The following PHYHIPL variants were observed in gnomAD, a reference collection of about 807,000 sequenced individuals.
PHYHIPL encodes the protein phytanoyl-CoA 2-hydroxylase interacting protein like.
In PHYHIPL, 9 loss-of-function variants were observed where a neutral mutation model predicts 33.4. The observed-to-expected ratio is 0.27, with a 90% CI of 0.16 to 0.47. The LOEUF is 0.47. Among genes scored for constraint, PHYHIPL ranks in the 20% least tolerant of loss-of-function variants. The pLI, the probability that PHYHIPL is intolerant of heterozygous loss-of-function variation, is 0.99. For missense variants in PHYHIPL, 365 were observed against 460.7 expected (o/e 0.79, Z 1.90); for synonymous variants, 153 against 154.1 (o/e 0.99, Z 0.05).
At chr10:59,203,103 A>G (rs113638400) in intron 1 of PHYHIPL, among the ~76,000 whole-genome samples, 4,413 of 152,288 alleles carry the variant, frequency 0.029, 137 homozygotes, top group African/African-American at 0.079. Context: ...GAAGGTGGGC[A>G]ATGGATATGA....
At chr10:59,185,943 T>C (rs1430680605) in intron 1 of PHYHIPL, among the ~76,000 whole-genome samples, 2 of 152,226 alleles carry the variant, frequency 1.3e-5, no homozygotes, top group Non-Finnish European at 2.9e-5. Flanking sequence ...GTAGTTTCTT[T>C]TGCTGTGCAG....
At chr10:59,185,324 A>G (rs1298904231) in intron 1 of PHYHIPL, among the ~76,000 whole-genome samples, 4 of 152,100 alleles carry the variant, frequency 2.6e-5, no homozygotes, top group African/African-American at 4.8e-5. Context: ...ATAGTATTCC[A>G]TGGTGTATAT....
In PHYHIPL at chr10:59,245,366, A is replaced by G. The variant is rs755200386; in HGVS notation, c.906A>G (p.Gln302=). ...GDEFCKQRLP[Q]LNSKDNKFLT... The stretch of plus-strand genomic sequence containing the variant: ...AATTTTGTAAGCAGCGCCTTCCTCA[A>G]CTAAATTCTAAGGATAATAAATTTT... Residue 302 remains glutamine, a synonymous_variant, in exon 5 of 5, where the codon CAA becomes CAG. Coordinates refer to ENST00000373880, the MANE Select transcript of PHYHIPL (RefSeq NM_032439.4). 1.2e-5 allele frequency: 20 copies of G among 1,614,046 alleles called. No homozygotes were observed. Among genetic ancestry groups the G allele is most frequent in the South Asian group, 6.6e-5 (6 of 91,086 alleles).
At chr10:59,196,019 A>C (rs976128705) in intron 1 of PHYHIPL, among the ~76,000 whole-genome samples, 3 of 152,166 alleles carry the variant, frequency 2.0e-5, no homozygotes, top group African/African-American at 7.2e-5. Flanking sequence ...CTCTATGTGC[A>C]TGAGGTACAT....
Position 59,211,418 on chromosome 10 carries a change from C to A in PHYHIPL, c.107-22886C>A, listed in dbSNP as rs151233148. Among the ~76,000 whole-genome samples, 1,196 of 151,868 alleles carry A rather than the reference C, an allele frequency of 7.9e-3. 11 individuals carry two copies. The highest frequency in any genetic ancestry group is 0.012 in the Non-Finnish European group (801 of 67,948). Reference sequence around the variant, plus strand: ...TGAGATGGAGTTTCACTCTTGTTGCCCAGGCTGGAGTACAATGGCATGATC... The same window carrying A: ...TGAGATGGAGTTTCACTCTTGTTGCACAGGCTGGAGTACAATGGCATGATC... On this transcript the variant is annotated intron_variant, in intron 1 of 4. Transcript: ENST00000373880.
chr10:59,183,761 T>A, intron 1 of PHYHIPL: 9 of 721,320 alleles, frequency 1.2e-5, no homozygotes, highest in Non-Finnish European at 1.5e-5. Flanking sequence ...AGTGGCTCAT[T>A]TAAAAGGGGC....
chr10:59,227,273 T>G (rs1208268134), intron 1 of PHYHIPL, among the ~76,000 whole-genome samples: 1 of 152,168 alleles, frequency 6.6e-6, no homozygotes, highest in East Asian at 1.9e-4. Context: ...GGTCGTGTGC[T>G]GTGTCACAGT....
intron 1 of PHYHIPL, among the ~76,000 whole-genome samples, chr10:59,184,732 T>A (rs1372008210): frequency 6.6e-6 from 1 of 152,024 alleles, no homozygotes; most frequent in Non-Finnish European, 1.5e-5. Flanking sequence ...TGTGCCATGT[T>A]GGTGTGCTGC....
intron 1 of PHYHIPL, among the ~76,000 whole-genome samples, chr10:59,222,968 G>A (rs1839821878): frequency 1.3e-5 from 2 of 152,144 alleles, no homozygotes; most frequent in South Asian, 4.1e-4. Flanking sequence ...TTACAGGATT[G>A]TTAACATTTA....
At chr10:59,214,552 T>G (rs1186942217) in intron 1 of PHYHIPL, among the ~76,000 whole-genome samples, 1 of 152,098 alleles carries the variant, frequency 6.6e-6, no homozygotes, top group Admixed American at 6.6e-5. Context: ...GTGTGTATTG[T>G]GGGATTTTAT....
chr10:59,245,876 C>T lies in PHYHIPL; in HGVS notation c.*285C>T. 2.8e-6 allele frequency: 1 copy of T among 350,926 alleles called. No homozygotes were observed. Among genetic ancestry groups the T allele is most frequent in the Non-Finnish European group, 5.2e-6 (1 of 191,954 alleles). The allele number at this position is 350,926 out of a possible 1,614,324, so 21.7% of individuals were successfully genotyped here. On this transcript the variant is annotated 3_prime_UTR_variant, in exon 5 of 5. Transcript: ENST00000373880. ...GTTTTTATGTTTCCTTTATGCCAAA[C>T]ATAACAAAACAGTTATATAGACTGC... is the stretch of plus-strand genomic sequence containing the variant.
intron 1 of PHYHIPL, among the ~76,000 whole-genome samples, chr10:59,211,180 C>T (rs1378248704): frequency 1.3e-5 from 2 of 151,918 alleles, no homozygotes; most frequent in African/African-American, 2.4e-5. Flanking sequence ...TGAGACCAGC[C>T]TGGGGAACAT....
At chr10:59,198,334 G>C (rs1394674491) in intron 1 of PHYHIPL, among the ~76,000 whole-genome samples, 1 of 151,902 alleles carries the variant, frequency 6.6e-6, no homozygotes, top group Non-Finnish European at 1.5e-5. Flanking sequence ...ATAGTTTTCT[G>C]AGAATGATGG....
Position 59,245,721 on chromosome 10 carries a change from T to A in PHYHIPL, c.*130T>A. Reference sequence around the variant, plus strand: ...TGCCACTGTCACCAAAACAAACAACTACCACTTTCCAAATTTCATTCAGAA... The same window carrying A: ...TGCCACTGTCACCAAAACAAACAACAACCACTTTCCAAATTTCATTCAGAA... On this transcript the variant is annotated 3_prime_UTR_variant, in exon 5 of 5. Coordinates refer to ENST00000373880, the MANE Select transcript of PHYHIPL (RefSeq NM_032439.4). 1 of 1,007,888 alleles carries A rather than the reference T, an allele frequency of 9.9e-7. No homozygotes were observed. The highest frequency in any genetic ancestry group is 1.4e-6 in the Non-Finnish European group (1 of 703,364). The allele number at this position is 1,007,888 out of a possible 1,614,324, so 62.4% of individuals were successfully genotyped here.
At chr10:59,195,955 T>G (rs965121771) in intron 1 of PHYHIPL, among the ~76,000 whole-genome samples, 2 of 152,156 alleles carry the variant, frequency 1.3e-5, no homozygotes, top group African/African-American at 2.4e-5. Context: ...AGAAAAAGTT[T>G]TATTAATGTT....
In PHYHIPL at chr10:59,234,350, T is replaced by C. The variant is rs766108682; in HGVS notation, c.153T>C (p.Pro51=). 1.9e-6 allele frequency: 3 copies of C among 1,597,496 alleles called. No individual in the cohort carries two copies. Among genetic ancestry groups the C allele is most frequent in the Admixed American group, 1.8e-5 (1 of 55,434 alleles). The change falls in exon 2 of 5, where the codon CCT becomes CCC. Residue 51 remains proline, a synonymous_variant. Coordinates refer to ENST00000373880, the MANE Select transcript of PHYHIPL (RefSeq NM_032439.4). ...DSGIAEMEEL[P]VPHNIKISNI... ...GCATAGCAGAGATGGAAGAACTTCC[T>C]GTACCACATAACATCAAAATAAGCA...
At chr10:59,230,191 G>T (rs970906914) in intron 1 of PHYHIPL, among the ~76,000 whole-genome samples, 2 of 146,994 alleles carry the variant, frequency 1.4e-5, no homozygotes, top group African/African-American at 5.0e-5. Context: ...CTAAATACAT[G>T]AAATATTTTA....
chr10:59,200,333 G>T (rs192362948), intron 1 of PHYHIPL, among the ~76,000 whole-genome samples: 1 of 152,198 alleles, frequency 6.6e-6, no homozygotes, highest in East Asian at 1.9e-4. Flanking sequence ...TTTTATCTTT[G>T]GTCCTGTTTA....
At chr10:59,200,104 G>C (rs977044033) in intron 1 of PHYHIPL, among the ~76,000 whole-genome samples, 5 of 152,132 alleles carry the variant, frequency 3.3e-5, no homozygotes, top group African/African-American at 1.2e-4. Context: ...TTGAATAGGA[G>C]TGGTGAGAGA....
Sources: allele counts gnomAD v4.1 joint callset (sites outside exome capture counted in the v4.1 genomes callset), GRCh38; gene constraint gnomAD v4.1.1; transcripts MANE v1.5; gene names NCBI Gene and HGNC (gene_info 2026-07-23, HGNC 2026-07-21).